Variants in GPC6 observed in about 807,000 individuals in gnomAD.
The protein encoded by GPC6 is glypican-6.
A neutral mutation model predicts 55.2 loss-of-function variants in GPC6; 14 were observed. That is an observed-to-expected ratio of 0.25 (90% CI 0.17 to 0.40). The LOEUF is 0.40. Ranked by LOEUF, GPC6 falls within the 10% of genes least tolerant of loss-of-function variation. The pLI, the probability that GPC6 is intolerant of heterozygous loss-of-function variation, is 1.00. For synonymous variants in GPC6, 278 were observed against 259.6 expected (o/e 1.07, Z -0.68); for missense variants, 641 against 708.5 (o/e 0.90, Z 1.08).
intron 1 of GPC6, among the ~76,000 whole-genome samples, chr13:93,445,979 C>T (rs1046013825): frequency 9.2e-5 from 14 of 151,908 alleles, no homozygotes; most frequent in African/African-American, 2.9e-4. Flanking sequence ...GTGAAGGAAA[C>T]GGATAAAAAG....
chr13:93,503,171 A>G (rs771943763), intron 1 of GPC6, among the ~76,000 whole-genome samples: 1 of 148,946 alleles, frequency 6.7e-6, no homozygotes. Context: ...ATCTCATTTA[A>G]TGTGCACCCA....
intron 2 of GPC6, among the ~76,000 whole-genome samples, chr13:93,792,376 T>G (rs1443279046): frequency 6.6e-6 from 1 of 152,234 alleles, no homozygotes; most frequent in Non-Finnish European, 1.5e-5. Flanking sequence ...AGTGGCGTGA[T>G]CTCAGGTCAC....
At chr13:94,212,232 G>A (rs1018148256) in intron 4 of GPC6, among the ~76,000 whole-genome samples, 1 of 152,078 alleles carries the variant, frequency 6.6e-6, no homozygotes, top group African/African-American at 2.4e-5. Flanking sequence ...TTTTGAACAA[G>A]TCATGATTTC....
chr13:93,594,934 T>C (rs1877659258), intron 2 of GPC6, among the ~76,000 whole-genome samples: 1 of 151,932 alleles, frequency 6.6e-6, no homozygotes, highest in African/African-American at 2.4e-5. Context: ...TCAAATACCA[T>C]CACATTGGTG....
chr13:93,322,118 A>T (rs1472912550), intron 1 of GPC6, among the ~76,000 whole-genome samples: 2 of 152,204 alleles, frequency 1.3e-5, no homozygotes, highest in Non-Finnish European at 2.9e-5. Context: ...GGACAAGAAA[A>T]CGTTGACTTG....
At chr13:94,177,640 A>G (rs1022438817) in intron 4 of GPC6, among the ~76,000 whole-genome samples, 13 of 152,212 alleles carry the variant, frequency 8.5e-5, no homozygotes, top group Non-Finnish European at 1.6e-4. Flanking sequence ...TGAAATATGC[A>G]CAAGCAATTT....
chr13:93,728,584 T>TTTG (rs1883722660), intron 2 of GPC6, among the ~76,000 whole-genome samples: 2 of 151,408 alleles, frequency 1.3e-5, no homozygotes, highest in Non-Finnish European at 2.9e-5. Flanking sequence ...TATTTATTTT[T>TTTG]GAGACAGAGT....
chr13:94,274,423 C>T (rs980177153), intron 4 of GPC6, among the ~76,000 whole-genome samples: 1 of 152,152 alleles, frequency 6.6e-6, no homozygotes, highest in Non-Finnish European at 1.5e-5. Context: ...ATTTTTGAAT[C>T]TGATATCTGT....
chr13:94,031,317 G>A (rs1043813604), intron 4 of GPC6, among the ~76,000 whole-genome samples: 1 of 152,124 alleles, frequency 6.6e-6, no homozygotes, highest in African/African-American at 2.4e-5. Flanking sequence ...TTGAAAAAAT[G>A]CCGCTAGACC....
chr13:93,318,539 G>A (rs1298373907), intron 1 of GPC6, among the ~76,000 whole-genome samples: 1 of 151,878 alleles, frequency 6.6e-6, no homozygotes, highest in Admixed American at 6.6e-5. Flanking sequence ...AAAATAAAGG[G>A]GAAAAAAGGA....
intron 3 of GPC6, among the ~76,000 whole-genome samples, chr13:93,936,084 C>T (rs556320359): frequency 6.6e-6 from 1 of 152,294 alleles, no homozygotes; most frequent in African/African-American, 2.4e-5. Context: ...ATATCACTCA[C>T]CACTATACAT....
intron 4 of GPC6, among the ~76,000 whole-genome samples, chr13:94,130,447 T>C (rs992518456): frequency 2.6e-5 from 4 of 152,128 alleles, no homozygotes; most frequent in African/African-American, 9.7e-5. Flanking sequence ...CATAGCACTG[T>C]GTTAGAACAA....
chr13:93,894,318 A>C (rs1384293228), intron 3 of GPC6, among the ~76,000 whole-genome samples: 3 of 152,166 alleles, frequency 2.0e-5, no homozygotes, highest in Admixed American at 6.6e-5. Context: ...ACTTGTTTTT[A>C]CTATTGGCTT....
intron 4 of GPC6, among the ~76,000 whole-genome samples, chr13:94,270,259 T>C (rs1001755588): frequency 6.6e-6 from 1 of 152,220 alleles, no homozygotes; most frequent in Non-Finnish European, 1.5e-5. Flanking sequence ...CTTAAGTAGA[T>C]AATCAGAAAT....
intron 3 of GPC6, among the ~76,000 whole-genome samples, chr13:94,011,295 T>A (rs778229508): frequency 2.3e-4 from 35 of 152,196 alleles, no homozygotes; most frequent in Non-Finnish European, 4.6e-4. Flanking sequence ...CAAATAAAAC[T>A]GGTGTCATCC....
At chr13:93,897,076 T>C (rs1449102267) in intron 3 of GPC6, among the ~76,000 whole-genome samples, 1 of 151,912 alleles carries the variant, frequency 6.6e-6, no homozygotes, top group African/African-American at 2.4e-5. Flanking sequence ...AAATTATGTT[T>C]TTTTATTTTA....
rs559040507 is a variant in GPC6 at position 93,447,188 on chromosome 13, T to C, written c.161-98075T>C. On this transcript the variant is annotated intron_variant, in intron 1 of 8. Transcript: ENST00000377047. ...AACTCATGACTTTATCAAATTCTTA[T>C]GTTAGTGGCAAAACAGTTACAGTAT... Among the ~76,000 whole-genome samples, 12 of 152,314 alleles carry C rather than the reference T, an allele frequency of 7.9e-5. 2 individuals are homozygous for C. The highest frequency in any genetic ancestry group is 1.9e-4 in the African/African-American group (8 of 41,592).
chr13:93,350,037 C>T (rs1195257551), intron 1 of GPC6, among the ~76,000 whole-genome samples: 1 of 152,128 alleles, frequency 6.6e-6, no homozygotes, highest in Non-Finnish European at 1.5e-5. Context: ...TCTTTTGAGA[C>T]AGTACTTATT....
chr13:93,791,178 C>G (rs1170287241), intron 2 of GPC6, among the ~76,000 whole-genome samples: 1 of 152,126 alleles, frequency 6.6e-6, no homozygotes, highest in African/African-American at 2.4e-5. Context: ...GTCATTGGTA[C>G]TTCTGATGTA....
Sources: gnomAD v4.1 joint callset for allele counts (sites outside exome capture counted in the v4.1 genomes callset) on GRCh38, gnomAD v4.1.1 for gene constraint, MANE v1.5 for transcripts, NCBI Gene and HGNC (gene_info 2026-07-23, HGNC 2026-07-21) for gene names.